TAF3: variants seen among roughly 807,000 people sequenced by gnomAD.
TAF3 encodes the protein TATA-box binding protein associated factor 3.
A neutral mutation model predicts 80.6 loss-of-function variants in TAF3; 7 were observed. The ratio of observed to expected loss-of-function variants is 0.09; its 90% CI spans 0.05 to 0.16. The LOEUF is 0.16. Ranked by LOEUF, TAF3 falls within the 10% of genes least tolerant of loss-of-function variation. The pLI, the probability that TAF3 is intolerant of heterozygous loss-of-function variation, is 1.00. For missense variants in TAF3, 921 were observed against 1,140.2 expected (o/e 0.81, Z 2.77); for synonymous variants, 444 against 446.1 (o/e 1.00, Z 0.06).
chr10:7,881,071 A>G (rs1359882335), intron 2 of TAF3, among the ~76,000 whole-genome samples: 1 of 152,118 alleles, frequency 6.6e-6, no homozygotes, highest in Non-Finnish European at 1.5e-5. Context: ...CCCCGTCTCT[A>G]CAAAAAATAC....
intron 4 of TAF3, 55 bp downstream of exon 4, chr10:7,977,378 C>T (rs1166781938): frequency 6.4e-7 from 1 of 1,552,060 alleles, no homozygotes; most frequent in Non-Finnish European, 8.9e-7. Context: ...ACCTTCTCTA[C>T]TCTTTCCTAA....
intron 2 of TAF3, among the ~76,000 whole-genome samples, chr10:7,941,667 CTG>C (rs1420405676): frequency 1.3e-5 from 2 of 152,234 alleles, no homozygotes; most frequent in Non-Finnish European, 2.9e-5. Context: ...TTCCTTCTGA[CTG>C]TGTCTGTTAG....
chr10:7,857,179 A>AT (rs1837089303), intron 2 of TAF3, among the ~76,000 whole-genome samples: 1 of 152,218 alleles, frequency 6.6e-6, no homozygotes, highest in Admixed American at 6.5e-5. Flanking sequence ...GCTTAATGAT[A>AT]TGAGTGACTT....
At chr10:7,979,831 G>T (rs1436752562) in intron 4 of TAF3, among the ~76,000 whole-genome samples, 1 of 151,958 alleles carries the variant, frequency 6.6e-6, no homozygotes, top group Non-Finnish European at 1.5e-5. Context: ...TGGTGGGGTG[G>T]GGGGTGGTTC....
At chr10:7,976,915 A>G (rs1588573938) in intron 3 of TAF3, among the ~76,000 whole-genome samples, 1 of 152,208 alleles carries the variant, frequency 6.6e-6, no homozygotes, top group African/African-American at 2.4e-5. Context: ...AAGTCTGGTA[A>G]TTATTTAAAT....
chr10:7,829,145 T>A (rs963976204), intron 2 of TAF3, among the ~76,000 whole-genome samples: 6 of 152,134 alleles, frequency 3.9e-5, no homozygotes, highest in African/African-American at 1.4e-4. Flanking sequence ...GTTGCCACTT[T>A]TAGAGTTTCT....
At chr10:7,904,913 C>T (rs1837593020) in intron 2 of TAF3, among the ~76,000 whole-genome samples, 1 of 152,114 alleles carries the variant, frequency 6.6e-6, no homozygotes, top group South Asian at 2.1e-4. Context: ...ACTTCCTCCA[C>T]CACCCGCTCC....
chr10:7,944,093 T>TTGTGTGTG lies in TAF3; in HGVS notation c.410-19791_410-19784dup, dbSNP rs35219363. 8.0e-3 allele frequency among the ~76,000 whole-genome samples: 1,093 copies of TTGTGTGTG among 137,148 alleles called. 13 individuals carry two copies. The highest frequency in any genetic ancestry group is 0.019 in the Middle Eastern group (5 of 262). The allele number at this position is 137,148 out of a possible 152,430, so 90.0% of individuals were successfully genotyped here. A position where few individuals can be genotyped will look rare whatever the true frequency, so the allele number is the denominator to read the frequency against. On this transcript the variant is annotated intron_variant, in intron 2 of 6. Transcript: ENST00000344293. ...CACTGATTTTTTAAAATGTTCATGC[T>TTGTGTGTG]TGTGTGTGTGTGTGTGTGTGTGTGT...
At chr10:7,944,093 T>TTGTGTGTGTGTG (rs35219363) in intron 2 of TAF3, among the ~76,000 whole-genome samples, 13 of 137,174 alleles carry the variant, frequency 9.5e-5, no homozygotes, top group African/African-American at 2.5e-4. Context: ...ATGTTCATGC[T>TTGTGTGTGTGTG]TGTGTGTGTG....
chr10:8,008,078 C>T (rs1370833943), intron 4 of TAF3, among the ~76,000 whole-genome samples: 3 of 149,558 alleles, frequency 2.0e-5, no homozygotes, highest in Admixed American at 6.8e-5. Flanking sequence ...CTCTGCAGCC[C>T]GTCTGGGAAC....
At chr10:7,830,247 C>G (rs921917291) in intron 2 of TAF3, among the ~76,000 whole-genome samples, 2 of 152,014 alleles carry the variant, frequency 1.3e-5, no homozygotes, top group African/African-American at 4.8e-5. Flanking sequence ...AAATTTAAAC[C>G]CTTTCTCCCA....
At chr10:7,920,066 G>A (rs1306450586) in intron 2 of TAF3, among the ~76,000 whole-genome samples, 5 of 151,736 alleles carry the variant, frequency 3.3e-5, no homozygotes, top group Non-Finnish European at 7.4e-5. Context: ...GGCAACGTAG[G>A]GAGACCCATT....
intron 2 of TAF3, among the ~76,000 whole-genome samples, chr10:7,886,476 CA>C (rs1385351195): frequency 2.6e-5 from 4 of 151,916 alleles, no homozygotes; most frequent in African/African-American, 9.7e-5. Flanking sequence ...ATATAATAAC[CA>C]AAGAAAAGTT....
At chr10:8,008,830 T>C (rs1564382832) in intron 4 of TAF3, among the ~76,000 whole-genome samples, 1 of 152,048 alleles carries the variant, frequency 6.6e-6, no homozygotes, top group Non-Finnish European at 1.5e-5. Context: ...GAACAATGCA[T>C]GTGTATTGGT....
intron 2 of TAF3, among the ~76,000 whole-genome samples, chr10:7,889,865 A>G (rs899726927): frequency 6.6e-6 from 1 of 151,982 alleles, no homozygotes; most frequent in African/African-American, 2.4e-5. Context: ...TATTAAATTC[A>G]TATTATTTTC....
chr10:7,835,943 C>T (rs1384733469), intron 2 of TAF3, among the ~76,000 whole-genome samples: 1 of 152,116 alleles, frequency 6.6e-6, no homozygotes, highest in Non-Finnish European at 1.5e-5. Flanking sequence ...CCAGGATTCC[C>T]CTTATTGAAG....
chr10:8,006,382 A>C (rs1341492758), intron 4 of TAF3, among the ~76,000 whole-genome samples: 1 of 152,170 alleles, frequency 6.6e-6, no homozygotes. Context: ...ATCTCAAAAA[A>C]AAAAAACCTA....
At chr10:7,826,441 T>G (rs1235459796) in intron 2 of TAF3, among the ~76,000 whole-genome samples, 1 of 145,164 alleles carries the variant, frequency 6.9e-6, no homozygotes, top group African/African-American at 2.5e-5. Flanking sequence ...CAATTTAGTG[T>G]TTTTTTTGTT....
intron 4 of TAF3, among the ~76,000 whole-genome samples, chr10:7,980,255 AGG>A (rs1227661779): frequency 1.3e-5 from 2 of 152,230 alleles, no homozygotes; most frequent in Non-Finnish European, 2.9e-5. Flanking sequence ...AAAGCTTTAC[AGG>A]GTTCAAATTA....
Sources: gnomAD v4.1 joint callset for allele counts (sites outside exome capture counted in the v4.1 genomes callset) on GRCh38, gnomAD v4.1.1 for gene constraint, MANE v1.5 for transcripts, NCBI Gene and HGNC (gene_info 2026-07-23, HGNC 2026-07-21) for gene names.